The following FANCL variants were observed in gnomAD, a reference collection of about 807,000 sequenced individuals.
The protein encoded by FANCL is FA complementation group L.
A neutral mutation model predicts 59.4 loss-of-function variants in FANCL; 69 were observed. The observed-to-expected ratio is 1.16, with a 90% CI of 0.96 to 1.42. FANCL has a LOEUF of 1.42. FANCL is among the 40% of genes most tolerant of loss of function. The pLI, the probability that FANCL is intolerant of heterozygous loss-of-function variation, is 0.00. For missense variants in FANCL, 519 were observed against 447.2 expected (o/e 1.16, Z -1.45); for synonymous variants, 180 against 147.1 (o/e 1.22, Z -1.62).
At chr2:58,178,569 A>C (rs1395372206) in intron 7 of FANCL, among the ~76,000 whole-genome samples, 1 of 152,208 alleles carries the variant, frequency 6.6e-6, no homozygotes, top group Non-Finnish European at 1.5e-5. Context: ...TTAGGTGTTG[A>C]TGGAACATAT....
At chr2:58,234,388 A>T (rs1017998867) in intron 1 of FANCL, among the ~76,000 whole-genome samples, 3 of 151,998 alleles carry the variant, frequency 2.0e-5, no homozygotes, top group Non-Finnish European at 2.9e-5. Context: ...GAATAAATTT[A>T]AAAAGAGTCC....
chr2:58,241,177 A>AAG (rs775691874), intron 1 of FANCL, 41 bp downstream of exon 1: 8 of 1,603,216 alleles, frequency 5.0e-6, no homozygotes, highest in Non-Finnish European at 6.8e-6. Context: ...GCTACGCTGC[A>AAG]AGAGGCTCTC....
chr2:58,217,394 T>C (rs1691948097), intron 5 of FANCL, among the ~76,000 whole-genome samples: 1 of 150,380 alleles, frequency 6.6e-6, no homozygotes, highest in South Asian at 2.1e-4. Flanking sequence ...CCTTGCCTCT[T>C]CCAGTTTCTG....
At chr2:58,179,589 A>G (rs1315756440) in intron 7 of FANCL, among the ~76,000 whole-genome samples, 1 of 152,236 alleles carries the variant, frequency 6.6e-6, no homozygotes, top group Non-Finnish European at 1.5e-5. Context: ...TTAACACAAT[A>G]TGGATTAAAG....
At chr2:58,228,590 C>A (rs1246481316) in intron 3 of FANCL, among the ~76,000 whole-genome samples, 2 of 152,214 alleles carry the variant, frequency 1.3e-5, no homozygotes, top group African/African-American at 4.8e-5. Context: ...TGAGTAGCTG[C>A]AACAGAGATC....
chr2:58,233,231 C>A (rs751221353), intron 1 of FANCL, among the ~76,000 whole-genome samples: 42 of 136,020 alleles, frequency 3.1e-4, no homozygotes, highest in Admixed American at 1.0e-3. Context: ...TTAATTTACA[C>A]GAAAAATAGA....
chr2:58,174,240 G>A (rs1573571431), intron 7 of FANCL, among the ~76,000 whole-genome samples: 1 of 152,228 alleles, frequency 6.6e-6, no homozygotes, highest in East Asian at 1.9e-4. Flanking sequence ...AAGACAGAAA[G>A]TTAACAAGGA....
At chr2:58,205,442 C>A (rs958725034) in intron 5 of FANCL, among the ~76,000 whole-genome samples, 4 of 151,930 alleles carry the variant, frequency 2.6e-5, no homozygotes, top group Admixed American at 2.6e-4. Flanking sequence ...AAATGCTTCA[C>A]CTCCAAAAAA....
chr2:58,220,447 T>G lies in FANCL; in HGVS notation c.374+1495A>C, dbSNP rs189685315. 2.1e-3 allele frequency among the ~76,000 whole-genome samples: 323 copies of G among 152,292 alleles called. 1 individual carries two copies. The highest frequency in any genetic ancestry group is 0.017 in the Middle Eastern group (5 of 294). On this transcript the variant is annotated intron_variant, in intron 5 of 13. Coordinates refer to ENST00000233741, the MANE Select transcript of FANCL (RefSeq NM_018062.4). ...AGAAACTGTTCTAAATAAAAGCCTT[T>G]TAAGGAATATAAAGGGAAGTAGAAG...
intron 7 of FANCL, among the ~76,000 whole-genome samples, chr2:58,181,075 A>G (rs1032041876): frequency 1.3e-5 from 2 of 152,202 alleles, no homozygotes; most frequent in East Asian, 1.9e-4. Context: ...GTGAAAAGAT[A>G]TATCCATAAA....
intron 1 of FANCL, among the ~76,000 whole-genome samples, chr2:58,240,556 T>C (rs183908012): frequency 7.4e-4 from 112 of 152,362 alleles, no homozygotes; most frequent in African/African-American, 2.3e-3. Flanking sequence ...TAAAAATTTC[T>C]GCCTCAAAGG....
intron 7 of FANCL, among the ~76,000 whole-genome samples, chr2:58,166,154 T>C (rs1028166447): frequency 5.7e-5 from 4 of 70,526 alleles, no homozygotes; most frequent in South Asian, 8.6e-4. Context: ...ACGTATGCAA[T>C]AGTAATGAGT....
intron 5 of FANCL, among the ~76,000 whole-genome samples, chr2:58,211,046 C>A (rs1278172276): frequency 6.6e-6 from 1 of 152,194 alleles, no homozygotes; most frequent in East Asian, 1.9e-4. Flanking sequence ...CTTCTCACAG[C>A]TACACTAGGC....
chr2:58,226,819 A>G lies in FANCL; in HGVS notation c.217-35T>C, dbSNP rs745408295. On this transcript the variant is annotated intron_variant, in intron 3 of 13. Transcript: ENST00000233741. ...AATATTTCCAATTAATTTCATTTGC[A>G]CAATAAATATTCTATCCACTAAAAC... 5 of 1,563,036 alleles carry G rather than the reference A, an allele frequency of 3.2e-6. No homozygotes were observed. In the East Asian group the frequency reaches 1.1e-4, roughly 35 times the overall value.
intron 7 of FANCL, among the ~76,000 whole-genome samples, chr2:58,192,417 G>C (rs563767036): frequency 1.3e-5 from 2 of 151,888 alleles, no homozygotes; most frequent in Non-Finnish European, 2.9e-5. Flanking sequence ...GGTTGAATGA[G>C]TTATAACAAC....
chr2:58,228,075 T>A (rs1693212618), intron 3 of FANCL, among the ~76,000 whole-genome samples: 1 of 151,864 alleles, frequency 6.6e-6, no homozygotes, highest in African/African-American at 2.4e-5. Context: ...ATGGTCATTT[T>A]TTTTATTTTT....
chr2:58,199,173 T>C (rs1382694986), intron 6 of FANCL, among the ~76,000 whole-genome samples: 1 of 152,204 alleles, frequency 6.6e-6, no homozygotes, highest in East Asian at 1.9e-4. Flanking sequence ...AGGTGCAAGT[T>C]TGGTGATTTG....
At position 58,222,039 on chromosome 2, in the gene FANCL, C is replaced by G; in HGVS notation, c.277G>C (p.Val93Leu). Residue 93 changes from valine (V) to leucine (L), a missense_variant, in exon 5 of 14, where the codon GTT (valine) becomes CTT (leucine). Physicochemically the swap from Val to Leu is conservative, Grantham distance 32 (BLOSUM62 1). Coordinates refer to ENST00000233741, the MANE Select transcript of FANCL (RefSeq NM_018062.4). ...AGCTCTTGTCTATTCTTTAAGGCAA[C>G]TTCCTGTTTAAAAGAAGAAAACCTG... ...FMMELKMLLE[V>L]ALKNRQELYA... 6.2e-7 allele frequency: 1 copy of G among 1,611,140 alleles called. No individual in the cohort carries two copies. Among genetic ancestry groups the G allele is most frequent in the Non-Finnish European group, 8.5e-7 (1 of 1,177,624 alleles).
intron 7 of FANCL, among the ~76,000 whole-genome samples, chr2:58,177,765 A>G (rs79147905): frequency 0.029 from 4,428 of 151,700 alleles, 235 homozygotes; most frequent in African/African-American, 0.1. Context: ...CATGTACACT[A>G]AAACTTAATA....
Sources: gnomAD v4.1 joint callset for allele counts (sites outside exome capture counted in the v4.1 genomes callset) on GRCh38, gnomAD v4.1.1 for gene constraint, MANE v1.5 for transcripts, NCBI Gene and HGNC (gene_info 2026-07-23, HGNC 2026-07-21) for gene names.